Variants in SPTLC3 observed in about 807,000 individuals in gnomAD.
The protein encoded by SPTLC3 is serine palmitoyltransferase long chain base subunit 3.
Under a neutral mutation model 59.3 loss-of-function variants are expected in SPTLC3, and 36 were observed. That is an observed-to-expected ratio of 0.61 (90% confidence interval 0.47 to 0.80). The LOEUF is 0.80. Ranked by LOEUF, SPTLC3 falls within the 30% of genes least tolerant of loss-of-function variation. SPTLC3 has a pLI of 0.00. For synonymous variants in SPTLC3, 257 were observed against 240.8 expected (o/e 1.07, Z -0.62); for missense variants, 625 against 685.1 (o/e 0.91, Z 0.98).
At chr20:13,025,115 C>T (rs927602351) in intron 1 of SPTLC3, among the ~76,000 whole-genome samples, 2 of 152,166 alleles carry the variant, frequency 1.3e-5, no homozygotes, top group Non-Finnish European at 2.9e-5. Context: ...TTCTGCGTGT[C>T]ACAGATCACC....
intron 6 of SPTLC3, among the ~76,000 whole-genome samples, chr20:13,104,993 T>C (rs1163168028): frequency 6.6e-6 from 1 of 152,166 alleles, no homozygotes; most frequent in Non-Finnish European, 1.5e-5. Context: ...AGTGCCTTAA[T>C]AAGCATCATT....
At chr20:13,049,240 C>A (rs1428968432) in intron 2 of SPTLC3, 110 bp downstream of exon 2, 5 of 1,196,206 alleles carry the variant, frequency 4.2e-6, no homozygotes, top group Middle Eastern at 3.8e-4. Context: ...TGCTCAGGAA[C>A]TATTCAGGGC....
intron 1 of SPTLC3, among the ~76,000 whole-genome samples, chr20:13,040,642 G>A (rs976200329): frequency 2.0e-5 from 3 of 151,698 alleles, no homozygotes; most frequent in Non-Finnish European, 4.4e-5. Context: ...ACAGGCATGA[G>A]CCACTTTAAT....
At chr20:13,110,282 G>A in intron 7 of SPTLC3, 65 bp downstream of exon 7, 8 of 1,360,608 alleles carry the variant, frequency 5.9e-6, no homozygotes, top group Non-Finnish European at 8.2e-6. Flanking sequence ...AGTGCGGAAA[G>A]GCTCACCTTT....
chr20:13,082,566 C>CTA (rs60022534), intron 4 of SPTLC3, among the ~76,000 whole-genome samples: 41,725 of 151,994 alleles, frequency 0.27, 5,871 homozygotes, highest in Middle Eastern at 0.35. Context: ...TGTGTATTGT[C>CTA]TGACTGCTTT....
intron 2 of SPTLC3, among the ~76,000 whole-genome samples, chr20:13,055,247 T>C (rs1987670506): frequency 6.6e-6 from 1 of 151,824 alleles, no homozygotes; most frequent in East Asian, 1.9e-4. Flanking sequence ...GTTCTTGAGT[T>C]ATAAAGGATA....
intron 2 of SPTLC3, among the ~76,000 whole-genome samples, chr20:13,061,796 G>A (rs1199449652): frequency 1.3e-5 from 2 of 152,108 alleles, no homozygotes; most frequent in African/African-American, 2.4e-5. Context: ...TCTCACCTCA[G>A]ATGTACCCTG....
At chr20:13,078,981 C>T (rs1421436020) in intron 4 of SPTLC3, among the ~76,000 whole-genome samples, 5 of 151,998 alleles carry the variant, frequency 3.3e-5, no homozygotes, top group East Asian at 1.9e-4. Flanking sequence ...CAACTATAAA[C>T]GGTAAGAGAT....
At chr20:13,069,814 C>T (rs542126850) in intron 2 of SPTLC3, among the ~76,000 whole-genome samples, 2 of 152,230 alleles carry the variant, frequency 1.3e-5, no homozygotes, top group African/African-American at 2.4e-5. Context: ...GTCTCCTCTC[C>T]AAAACCAACT....
chr20:13,153,855 C>T lies in SPTLC3; in HGVS notation c.1280-148C>T. The T allele has an allele frequency of 4.2e-5, 45 of 1,059,062 alleles. 1 individual carries two copies. The South Asian group carries it at 6.7e-4, about 16-fold the overall frequency. The allele number at this position is 1,059,062 out of a possible 1,614,324, so 65.6% of individuals were successfully genotyped here. A position where few individuals can be genotyped will look rare whatever the true frequency, so the allele number is the denominator to read the frequency against. ...TGGGCATCAGTGCCCACACCTGCTC[C>T]CCAGGAGATATCTCCCTTCCCTACT... On this transcript the variant is annotated intron_variant, in intron 9 of 11. Coordinates refer to ENST00000399002, the MANE Select transcript of SPTLC3 (RefSeq NM_018327.4).
At chr20:13,161,827 C>T (rs1400369660) in intron 11 of SPTLC3, among the ~76,000 whole-genome samples, 1 of 152,168 alleles carries the variant, frequency 6.6e-6, no homozygotes, top group Non-Finnish European at 1.5e-5. Context: ...CACATGTGCA[C>T]ACACACGCAC....
intron 6 of SPTLC3, among the ~76,000 whole-genome samples, chr20:13,102,514 G>A (rs1189312362): frequency 4.6e-5 from 7 of 152,130 alleles, no homozygotes; most frequent in African/African-American, 9.7e-5. Context: ...AGCATGACAC[G>A]CTACCTCCTT....
intron 1 of SPTLC3, among the ~76,000 whole-genome samples, chr20:13,042,081 A>G (rs918989683): frequency 8.5e-5 from 13 of 152,204 alleles, no homozygotes; most frequent in African/African-American, 3.1e-4. Flanking sequence ...GATCCTTGGT[A>G]TGTTTAGCCT....
chr20:13,063,149 C>T (rs1014644706), intron 2 of SPTLC3, among the ~76,000 whole-genome samples: 11 of 152,094 alleles, frequency 7.2e-5, no homozygotes, highest in Non-Finnish European at 1.3e-4. Context: ...TTATTTTTGT[C>T]TTAATTTGCA....
chr20:13,127,503 A>C (rs1254298563), intron 9 of SPTLC3, among the ~76,000 whole-genome samples: 1 of 152,232 alleles, frequency 6.6e-6, no homozygotes, highest in Non-Finnish European at 1.5e-5. Context: ...TGTTTAATGC[A>C]ATGCTTCAAG....
intron 6 of SPTLC3, 98 bp from the exon 7 acceptor site, chr20:13,110,014 A>T: frequency 1.1e-6 from 1 of 936,182 alleles, no homozygotes; most frequent in Non-Finnish European, 1.6e-6. Flanking sequence ...CTGAAAGTTT[A>T]GGTCTGAGTG....
intron 2 of SPTLC3, among the ~76,000 whole-genome samples, chr20:13,052,041 G>A (rs1040771976): frequency 1.3e-5 from 2 of 152,020 alleles, no homozygotes; most frequent in African/African-American, 2.4e-5. Flanking sequence ...CAAACCAAAC[G>A]CAAACCCAGC....
chr20:13,164,612 A>T (rs1221087223), intron 11 of SPTLC3, 142 bp from the exon 12 acceptor site: 1 of 654,804 alleles, frequency 1.5e-6, no homozygotes, highest in Non-Finnish European at 2.7e-6. Flanking sequence ...AATGGTACGG[A>T]TCTTGCTTCT....
intron 6 of SPTLC3, 25 bp from the exon 7 acceptor site, chr20:13,110,087 T>C: frequency 1.1e-6 from 1 of 889,960 alleles, no homozygotes; most frequent in Non-Finnish European, 1.5e-6. Flanking sequence ...CATGACTCAA[T>C]TTTTTTTTTT....
Sources: gnomAD v4.1 joint callset for allele counts (sites outside exome capture counted in the v4.1 genomes callset) on GRCh38, gnomAD v4.1.1 for gene constraint, MANE v1.5 for transcripts, NCBI Gene and HGNC (gene_info 2026-07-23, HGNC 2026-07-21) for gene names.